The following RIPOR2 variants were observed in gnomAD, a reference collection of about 807,000 sequenced individuals.
RIPOR2 encodes the protein RHO family interacting cell polarization regulator 2, also known as rho family-interacting cell polarization regulator 2.
Under a neutral mutation model 114.5 loss-of-function variants are expected in RIPOR2, and 39 were observed. That is an observed-to-expected ratio of 0.34 (90% CI 0.26 to 0.44). RIPOR2 has a LOEUF of 0.44. Ranked by LOEUF, RIPOR2 falls within the 20% of genes least tolerant of loss-of-function variation. The pLI is 1.00. For missense variants in RIPOR2, 1,007 were observed against 1,255.1 expected, an observed-to-expected ratio of 0.80 and a Z score of 2.99; for synonymous variants, 445 against 484.4, an observed-to-expected ratio of 0.92 and a Z score of 1.07.
chr6:24,921,154 ATC>A (rs978223945), intron 1 of RIPOR2, among the ~76,000 whole-genome samples: 30 of 151,444 alleles, frequency 2.0e-4, no homozygotes, highest in African/African-American at 5.6e-4. Context: ...AACCTCTTAG[ATC>A]TCTCTCTCTC....
chr6:24,869,783 T>C (rs1201312502), intron 5 of RIPOR2, among the ~76,000 whole-genome samples: 1 of 152,214 alleles, frequency 6.6e-6, no homozygotes, highest in Admixed American at 6.5e-5. Flanking sequence ...TCCATAATAA[T>C]ATATTTTGTC....
At chr6:24,966,110 G>C (rs1192935850) in intron 1 of RIPOR2, among the ~76,000 whole-genome samples, 1 of 152,140 alleles carries the variant, frequency 6.6e-6, no homozygotes, top group African/African-American at 2.4e-5. Flanking sequence ...CTTTGGCTCT[G>C]GTACAATTTC....
chr6:24,847,115 C>T (rs538027109), intron 12 of RIPOR2, among the ~76,000 whole-genome samples: 23 of 151,744 alleles, frequency 1.5e-4, no homozygotes, highest in African/African-American at 5.4e-4. Context: ...CCATTCCTGG[C>T]TAATTTTTGT....
chr6:24,935,526 G>A (rs1461166540), intron 1 of RIPOR2, among the ~76,000 whole-genome samples: 2 of 152,138 alleles, frequency 1.3e-5, no homozygotes, highest in South Asian at 2.1e-4. Flanking sequence ...TAAGGTGTTA[G>A]ACAAGAGATA....
Position 24,835,861 on chromosome 6 carries a change from CCG to C in RIPOR2, c.2048_2049del (p.Ser683CysfsTer11). The stretch of plus-strand genomic sequence containing the variant: ...AGATGCCCCCTGGCTTCTGGGTGAA[CCG>C]ACCTGTAACTATTGAAGGTGGGCAA... ...DTETEKHSYR[S>X]VHPEARGHLS... On this transcript the variant is annotated frameshift_variant, in exon 15 of 22. Transcript: ENST00000643898. LOFTEE classifies it high-confidence loss of function. 1 of 1,551,534 alleles carries C rather than the reference CCG, an allele frequency of 6.4e-7. No homozygotes were observed. Among genetic ancestry groups the C allele is most frequent in the Non-Finnish European group, 8.7e-7 (1 of 1,146,956 alleles).
chr6:24,884,179 C>G (rs373862849), intron 1 of RIPOR2, among the ~76,000 whole-genome samples: 1 of 152,108 alleles, frequency 6.6e-6, no homozygotes, highest in South Asian at 2.1e-4. Context: ...GAGGCTGAGG[C>G]GGGCGGATCA....
intron 14 of RIPOR2, among the ~76,000 whole-genome samples, chr6:24,837,655 T>C (rs1174096791): frequency 6.6e-6 from 1 of 151,990 alleles, no homozygotes; most frequent in Non-Finnish European, 1.5e-5. Context: ...AGCAGTCCTC[T>C]GGCCTTGGCT....
chr6:24,915,048 C>A (rs1769964094), intron 1 of RIPOR2, among the ~76,000 whole-genome samples: 1 of 152,154 alleles, frequency 6.6e-6, no homozygotes, highest in Non-Finnish European at 1.5e-5. Flanking sequence ...GGCTTCTATT[C>A]TTACAGGTGA....
At chr6:24,957,489 G>A (rs974559501) in intron 1 of RIPOR2, among the ~76,000 whole-genome samples, 1 of 152,190 alleles carries the variant, frequency 6.6e-6, no homozygotes, top group African/African-American at 2.4e-5. Context: ...GGAAATATAG[G>A]GTTCTGTGGG....
intron 1 of RIPOR2, among the ~76,000 whole-genome samples, chr6:24,956,009 CAAAAAA>C (rs10587846): frequency 7.7e-6 from 1 of 130,504 alleles, no homozygotes; most frequent in African/African-American, 2.9e-5. Flanking sequence ...GACTCTGTCT[CAAAAAA>C]AAAAAAAAAA....
At chr6:25,009,815 C>T (rs1775706357) in intron 1 of RIPOR2, among the ~76,000 whole-genome samples, 1 of 152,090 alleles carries the variant, frequency 6.6e-6, no homozygotes, top group Admixed American at 6.5e-5. Flanking sequence ...ACGATACTTC[C>T]TGTGGGTGGA....
At chr6:24,940,685 G>A (rs575747557), upstream of RIPOR2, among the ~76,000 whole-genome samples, 17 of 151,840 alleles carry the variant, frequency 1.1e-4, no homozygotes, top group South Asian at 1.0e-3. Context: ...TGTCTCTGTC[G>A]CTCAGGCTGG....
chr6:24,823,289 C>T (rs558454326), intron 19 of RIPOR2, among the ~76,000 whole-genome samples: 42 of 152,266 alleles, frequency 2.8e-4, no homozygotes, highest in African/African-American at 9.1e-4. Context: ...AGGGTTCAGG[C>T]TTTGGGAGTC....
chr6:24,846,815 A>G (rs1192135268), intron 12 of RIPOR2, among the ~76,000 whole-genome samples: 2 of 152,152 alleles, frequency 1.3e-5, no homozygotes, highest in Non-Finnish European at 2.9e-5. Context: ...TGTATTCCTG[A>G]CTGTGAATTA....
In RIPOR2 at chr6:24,805,597, A is replaced by T. The variant is rs1028081102; in HGVS notation, c.*776T>A. On this transcript the variant is annotated 3_prime_UTR_variant, in exon 22 of 22. Transcript: ENST00000643898. ...GTTCTGCAGGCAAACTTTTATTTGA[A>T]GATATTCTTTTTTGTGCTTTGTATT... is the stretch of plus-strand genomic sequence containing the variant. The T allele has an allele frequency of 8.5e-6, 1 of 118,004 alleles. No homozygotes were observed. The highest frequency in any genetic ancestry group is 2.7e-5 in the African/African-American group (1 of 36,718). 7.3% of individuals were successfully genotyped at this position (118,004 alleles called of 1,614,324 possible). A position where few individuals can be genotyped will look rare whatever the true frequency, so the allele number is the denominator to read the frequency against.
At chr6:24,972,577 G>A (rs941627953) in intron 1 of RIPOR2, among the ~76,000 whole-genome samples, 1 of 152,198 alleles carries the variant, frequency 6.6e-6, no homozygotes, top group South Asian at 2.1e-4. Flanking sequence ...TAGGCTTCAG[G>A]GGTTTTATGA....
chr6:25,025,847 G>A (rs959957982), intron 1 of RIPOR2, among the ~76,000 whole-genome samples: 2 of 152,184 alleles, frequency 1.3e-5, no homozygotes, highest in African/African-American at 2.4e-5. Context: ...TTTTCTTAGA[G>A]GTCAAGAATC....
intron 1 of RIPOR2, among the ~76,000 whole-genome samples, chr6:24,896,767 G>A (rs558626706): frequency 2.0e-5 from 3 of 152,158 alleles, no homozygotes; most frequent in Non-Finnish European, 2.9e-5. Context: ...GCTGGGTGTG[G>A]TGGCACGTGC....
rs34298086 is a variant in RIPOR2 at position 24,843,427 on chromosome 6, G to C, written c.1292C>G (p.Ser431Cys). 23,253 of 1,613,318 alleles carry C rather than the reference G, an allele frequency of 0.014. 433 individuals are homozygous for C. The highest frequency in any genetic ancestry group is 0.084 in the African/African-American group (6,274 of 75,006). The change falls in exon 13 of 22, where the codon TCC becomes TGC. Residue 431 changes from serine to cysteine, a missense_variant. Ser to Cys is a moderately radical substitution (Grantham distance 112). Coordinates refer to ENST00000643898, the MANE Select transcript of RIPOR2 (RefSeq NM_001286445.3). ...GGTAATTTCTGGATTTGTTGAGTTG[G>C]AAGGGGAGCCTGTTGAGTGGGAGGT... Reference protein sequence around the residue: ...ALTSHSTGSPSNSTNPEITIT... With the variant: ...ALTSHSTGSPCNSTNPEITIT...
Sources: allele counts gnomAD v4.1 joint callset (sites outside exome capture counted in the v4.1 genomes callset), GRCh38; gene constraint gnomAD v4.1.1; transcripts MANE v1.5; gene names NCBI Gene and HGNC (gene_info 2026-07-23, HGNC 2026-07-21).